HSP90AB1: variants seen among roughly 807,000 people sequenced by gnomAD.
The protein encoded by HSP90AB1 is heat shock protein HSP 90-beta.
Under a neutral mutation model 67.8 loss-of-function variants are expected in HSP90AB1, and 17 were observed. That is an observed-to-expected ratio of 0.25 (90% CI 0.17 to 0.38). The LOEUF is 0.38. HSP90AB1 is among the 10% of genes least tolerant of loss of function. HSP90AB1 has a pLI of 1.00. For missense variants in HSP90AB1, 690 were observed against 899.9 expected (o/e 0.77, Z 2.98); for synonymous variants, 390 against 312.9 (o/e 1.25, Z -2.60).
rs1554140774 is a variant in HSP90AB1 at position 44,253,641 on chromosome 6, T to G, written c.*43T>G. 2.1e-6 allele frequency: 3 copies of G among 1,451,920 alleles called. No individual in the cohort carries two copies. The highest frequency in any genetic ancestry group is 2.9e-6 in the Non-Finnish European group (3 of 1,032,530). 89.9% of individuals were successfully genotyped at this position (1,451,920 alleles called of 1,614,324 possible). On this transcript the variant is annotated 3_prime_UTR_variant, in exon 12 of 12. Coordinates refer to ENST00000371646, the MANE Select transcript of HSP90AB1 (RefSeq NM_007355.4). Reference sequence around the variant, plus strand: ...GGAAAACTTGTGCCCTTGTATAGTGTCCCCATGGGCTCCCACTGCAGCCTC... The same window carrying G: ...GGAAAACTTGTGCCCTTGTATAGTGGCCCCATGGGCTCCCACTGCAGCCTC...
intron 8 of HSP90AB1, 62 bp from the exon 9 acceptor site, chr6:44,251,675 C>CA: frequency 5.7e-6 from 9 of 1,592,006 alleles, no homozygotes; most frequent in Non-Finnish European, 7.7e-6. Flanking sequence ...TTATTCCATT[C>CA]ACATTGAAAG....
At chr6:44,247,708 G>A (rs1780095447) in intron 1 of HSP90AB1, among the ~76,000 whole-genome samples, 1 of 152,220 alleles carries the variant, frequency 6.6e-6, no homozygotes, top group African/African-American at 2.4e-5. Context: ...TCGGTCTCCA[G>A]CACCCGATAC....
In HSP90AB1 at chr6:44,252,362, CTAT is replaced by C. The variant is rs970837089; in HGVS notation, c.1731+97_1731+99del. 4.4e-6 allele frequency: 5 copies of C among 1,143,818 alleles called. No homozygotes were observed. In the Admixed American group the frequency reaches 9.7e-5, roughly 22 times the overall value. 70.9% of individuals were successfully genotyped at this position (1,143,818 alleles called of 1,614,324 possible). ...TATACAATTAGTGGTTTGAGGCAGC[CTAT>C]TTACTGTTTCATGCCTTCTTGCCTC... On this transcript the variant is annotated intron_variant, in intron 10 of 11. Transcript: ENST00000371646.
intron 1 of HSP90AB1, 106 bp from the exon 2 acceptor site, chr6:44,248,524 C>G (rs1372009875): frequency 9.9e-7 from 1 of 1,010,664 alleles, no homozygotes; most frequent in Non-Finnish European, 1.5e-6. Context: ...TCCGGTTAAA[C>G]CAGTCTGAAC....
At position 44,249,779 on chromosome 6, in the gene HSP90AB1, A is replaced by C; in HGVS notation, c.459A>C (p.Glu153Asp). Residue 153 changes from glutamate (E) to aspartate (D), a missense_variant, in exon 4 of 12, where the codon GAA (glutamate) becomes GAC (aspartate). Physicochemically the swap from Glu to Asp is conservative, Grantham distance 45. Around this residue, in one of 7 missense-constraint regions of HSP90AB1, gnomAD observed 146 missense variants for 143.7 expected, o/e 1.02. Transcript: ENST00000371646. ...VVVITKHNDD[E>D]QYAWESSAGG... ...TGATCACAAAGCACAACGATGATGAACAGTATGCTTGGGAGTCTTCTGCTG... is the reference window on the plus strand; with the variant it reads ...TGATCACAAAGCACAACGATGATGACCAGTATGCTTGGGAGTCTTCTGCTG... The C allele has an allele frequency of 6.2e-7, 1 of 1,613,926 alleles. No individual in the cohort carries two copies. Among genetic ancestry groups the C allele is most frequent in the Non-Finnish European group, 8.5e-7 (1 of 1,179,932 alleles).
At chr6:44,248,813 T>A in intron 2 of HSP90AB1, 37 bp downstream of exon 2, 1 of 1,586,510 alleles carries the variant, frequency 6.3e-7, no homozygotes, top group Non-Finnish European at 8.6e-7. Context: ...CATGGTTTTT[T>A]TTTTTGATAC....
chr6:44,252,917 T>C, intron 10 of HSP90AB1, 128 bp from the exon 11 acceptor site: 1 of 710,456 alleles, frequency 1.4e-6, no homozygotes, highest in Non-Finnish European at 2.4e-6. Context: ...TTTTGCCATG[T>C]TGGCCAGCAT....
At chr6:44,252,912 C>A (rs1226644516) in intron 10 of HSP90AB1, 133 bp from the exon 11 acceptor site, 2 of 680,200 alleles carry the variant, frequency 2.9e-6, no homozygotes, top group Non-Finnish European at 5.0e-6. Context: ...CAGGGTTTTG[C>A]CATGTTGGCC....
chr6:44,251,182 C>G lies in HSP90AB1; in HGVS notation c.1092C>G (p.Asp364Glu). Residue 364 changes from aspartate (D) to glutamate (E), a missense_variant, in exon 7 of 12, where the codon GAC (aspartate) becomes GAG (glutamate). Coordinates refer to ENST00000371646, the MANE Select transcript of HSP90AB1 (RefSeq NM_007355.4). ...KLYVRRVFIM[D>E]SCDELIPEYL... is the part of the protein sequence containing the mutation. The stretch of plus-strand genomic sequence containing the variant: ...ATGTCCGCCGTGTGTTCATCATGGA[C>G]AGCTGTGATGAGTTGATACCAGAGT... The G allele has an allele frequency of 6.2e-7, 1 of 1,614,178 alleles. No individual in the cohort carries two copies. The highest frequency in any genetic ancestry group is 1.1e-5 in the South Asian group (1 of 91,090).
chr6:44,252,405 A>G, intron 10 of HSP90AB1, 138 bp downstream of exon 10: 1 of 767,136 alleles, frequency 1.3e-6, no homozygotes, highest in Non-Finnish European at 2.1e-6. Context: ...TCTCTTCTCT[A>G]GTCAGGTTTA....
rs768782599 is a variant in HSP90AB1, at chr6:44,253,056, C to T, written c.1743C>T (p.Ser581=). Residue 581 remains serine (S), a synonymous_variant, in exon 11 of 12, where the codon TCC becomes TCT. Coordinates refer to ENST00000371646, the MANE Select transcript of HSP90AB1 (RefSeq NM_007355.4). ...GTGATCGTCCACAGGTGACAATCTC[C>T]AATAGACTTGTGTCTTCACCTTGCT... is the stretch of plus-strand genomic sequence containing the variant. The part of the protein sequence containing the change: ...LDKKVEKVTI[S]NRLVSSPCCI... 6.2e-6 allele frequency: 10 copies of T among 1,613,556 alleles called. No individual in the cohort carries two copies. The highest frequency in any genetic ancestry group is 5.9e-6 in the Non-Finnish European group (7 of 1,179,602).
intron 4 of HSP90AB1, 29 bp downstream of exon 4, chr6:44,249,863 T>C: frequency 6.3e-7 from 1 of 1,598,550 alleles, no homozygotes; most frequent in Non-Finnish European, 8.5e-7. Flanking sequence ...TACAAGGTAG[T>C]TGGGTTAGGA....
At chr6:44,252,777 GCAAGCCAC>G (rs1561901828) in intron 10 of HSP90AB1, among the ~76,000 whole-genome samples, 1 of 150,580 alleles carries the variant, frequency 6.6e-6, no homozygotes. Context: ...ATTAACAGGC[GCAAGCCAC>G]CATGCCTGGC....
intron 6 of HSP90AB1, 97 bp from the exon 7 acceptor site, chr6:44,250,951 G>C: frequency 9.1e-7 from 1 of 1,093,746 alleles, no homozygotes; most frequent in Non-Finnish European, 1.4e-6. Flanking sequence ...CTATCCCTTA[G>C]GCTTAGGGAG....
At chr6:44,248,825 C>CT in intron 2 of HSP90AB1, 49 bp downstream of exon 2, 1 of 1,545,358 alleles carries the variant, frequency 6.5e-7, no homozygotes, top group Non-Finnish European at 8.8e-7. Flanking sequence ...TTTTGATACT[C>CT]TAGAAGGAGG....
chr6:44,248,467 T>C, intron 1 of HSP90AB1, 163 bp from the exon 2 acceptor site: 1 of 552,452 alleles, frequency 1.8e-6, no homozygotes, highest in Non-Finnish European at 3.1e-6. Flanking sequence ...GTGTGTAGTC[T>C]GAGATCTTTA....
At position 44,249,472 on chromosome 6, in the gene HSP90AB1, A is replaced by G. The variant is rs201634463; in HGVS notation, c.243A>G (p.Glu81=). ...LKIDIIPNPQ[E]RTLTLVDTGI... ...TTGACATCATCCCCAACCCTCAGGAACGTACCCTGACTTTGGTAGACACAG... is the reference window on the plus strand; with the variant it reads ...TTGACATCATCCCCAACCCTCAGGAGCGTACCCTGACTTTGGTAGACACAG... The change falls in exon 3 of 12, where the codon GAA becomes GAG. Residue 81 remains glutamate, a synonymous_variant. Coordinates refer to ENST00000371646, the MANE Select transcript of HSP90AB1 (RefSeq NM_007355.4). 6.2e-7 allele frequency: 1 copy of G among 1,614,014 alleles called. No individual in the cohort carries two copies. The highest frequency in any genetic ancestry group is 8.5e-7 in the Non-Finnish European group (1 of 1,179,840).
intron 1 of HSP90AB1, among the ~76,000 whole-genome samples, 169 bp from the exon 2 acceptor site, chr6:44,248,461 G>A (rs2153317735): frequency 6.6e-6 from 1 of 152,330 alleles, no homozygotes; most frequent in Middle Eastern, 3.4e-3. Context: ...CACTTAGTGT[G>A]TAGTCTGAGA....
upstream of HSP90AB1, among the ~76,000 whole-genome samples, chr6:44,246,746 C>A (rs1779945154): frequency 2.0e-5 from 3 of 152,198 alleles, no homozygotes; most frequent in Admixed American, 2.0e-4. Context: ...GGTGTCCCCC[C>A]CAGTCCCGCC....
Sources: gnomAD v4.1 joint callset for allele counts (sites outside exome capture counted in the v4.1 genomes callset) on GRCh38, gnomAD v4.1.1 for gene constraint, gnomAD v4.1.1 regional missense constraint, MANE v1.5 for transcripts, NCBI Gene and HGNC (gene_info 2026-07-23, HGNC 2026-07-21) for gene names.